TNR: variants seen among roughly 807,000 people sequenced by gnomAD.
TNR encodes tenascin R.
TNR carries 45 observed loss-of-function variants against 150.4 expected under a neutral mutation model. The observed-to-expected ratio is 0.30, with a 90% CI of 0.24 to 0.38. The LOEUF (loss-of-function observed/expected upper bound fraction) is 0.38. TNR is among the 10% of genes least tolerant of loss of function. The pLI is 1.00. For missense variants in TNR, 1,544 were observed against 1,759.1 expected (o/e 0.88, Z 2.19); for synonymous variants, 687 against 678.4 (o/e 1.01, Z -0.20).
chr1:175,726,814 G>A (rs41380950), intron 1 of TNR, among the ~76,000 whole-genome samples: 7,831 of 152,244 alleles, frequency 0.051, 619 homozygotes, highest in African/African-American at 0.17. Flanking sequence ...AGCATGTTAT[G>A]AAATCCTTCA....
chr1:175,436,946 C>G (rs1048967523), intron 2 of TNR, among the ~76,000 whole-genome samples: 5 of 152,038 alleles, frequency 3.3e-5, no homozygotes, highest in African/African-American at 1.2e-4. Context: ...ACTTTAACAC[C>G]CCATTGTCAA....
rs549375540 is a variant in TNR at position 175,535,447 on chromosome 1, T to G, written c.-164-7078A>C. On this transcript the variant is annotated intron_variant, in intron 1 of 22. Coordinates refer to ENST00000367674, the MANE Select transcript of TNR (RefSeq NM_003285.3). ...TTCTTTTTTATTTATTTATTTATTT[T>G]TTGTTGTTGTTGTTGTTGTTGTTGT... Among the ~76,000 whole-genome samples, 506 of 148,246 alleles carry G rather than the reference T, an allele frequency of 3.4e-3. 1 individual carries two copies. Among genetic ancestry groups the G allele is most frequent in the Middle Eastern group, 6.8e-3 (2 of 294 alleles).
At chr1:175,663,177 A>G (rs1316960871) in intron 1 of TNR, among the ~76,000 whole-genome samples, 1 of 152,080 alleles carries the variant, frequency 6.6e-6, no homozygotes, top group Non-Finnish European at 1.5e-5. Flanking sequence ...TCAGCTCCCC[A>G]AGCCGCCACG....
intron 1 of TNR, among the ~76,000 whole-genome samples, chr1:175,722,690 C>T (rs1667340788): frequency 6.6e-6 from 1 of 152,116 alleles, no homozygotes; most frequent in Non-Finnish European, 1.5e-5. Context: ...GTCTTGAACT[C>T]CTGAGCTCAA....
At chr1:175,585,617 G>A (rs190693712) in intron 1 of TNR, among the ~76,000 whole-genome samples, 65 of 152,266 alleles carry the variant, frequency 4.3e-4, no homozygotes, top group African/African-American at 1.5e-3. Flanking sequence ...ACTCTGGCTC[G>A]AAAGACAGGA....
intron 2 of TNR, among the ~76,000 whole-genome samples, chr1:175,478,140 T>C (rs1470829493): frequency 2.0e-5 from 3 of 152,242 alleles, no homozygotes; most frequent in Admixed American, 2.0e-4. Context: ...GTAATTGCTC[T>C]CTTGGATTTT....
chr1:175,670,912 T>A (rs371799860), intron 1 of TNR, among the ~76,000 whole-genome samples: 2 of 152,012 alleles, frequency 1.3e-5, no homozygotes, highest in African/African-American at 4.8e-5. Context: ...AAATCAGGCT[T>A]AAATCTGGGA....
intron 5 of TNR, among the ~76,000 whole-genome samples, chr1:175,394,864 T>C (rs1274725445): frequency 6.6e-6 from 1 of 152,156 alleles, no homozygotes; most frequent in East Asian, 1.9e-4. Context: ...ATTGGCATAA[T>C]AAATGCCACA....
chr1:175,351,628 A>G (rs562355717), intron 18 of TNR, among the ~76,000 whole-genome samples: 1 of 152,230 alleles, frequency 6.6e-6, no homozygotes, highest in African/African-American at 2.4e-5. Context: ...ATACTTTCAC[A>G]TGCATTATTT....
At chr1:175,742,485 G>A (rs1478215005) in intron 1 of TNR, among the ~76,000 whole-genome samples, 4 of 152,248 alleles carry the variant, frequency 2.6e-5, no homozygotes, top group South Asian at 2.1e-4. Flanking sequence ...CTGCCTCCTT[G>A]CAAATGTAAT....
intron 20 of TNR, among the ~76,000 whole-genome samples, chr1:175,334,147 A>G (rs1650098004): frequency 6.6e-6 from 1 of 152,196 alleles, no homozygotes; most frequent in Admixed American, 6.5e-5. Context: ...GAGGAAGATC[A>G]TTATAGTGGT....
At chr1:175,432,791 T>G (rs967656070) in intron 2 of TNR, among the ~76,000 whole-genome samples, 1 of 152,256 alleles carries the variant, frequency 6.6e-6, no homozygotes, top group Middle Eastern at 3.4e-3. Context: ...CAATATTCAC[T>G]CTCCTCTTCT....
At chr1:175,491,279 C>A (rs922517803) in intron 2 of TNR, among the ~76,000 whole-genome samples, 1 of 152,112 alleles carries the variant, frequency 6.6e-6, no homozygotes, top group Non-Finnish European at 1.5e-5. Context: ...GGGTTTAATA[C>A]CTAGGTGATG....
intron 1 of TNR, among the ~76,000 whole-genome samples, chr1:175,642,192 C>T (rs1032380053): frequency 9.9e-5 from 15 of 152,140 alleles, no homozygotes; most frequent in Non-Finnish European, 1.5e-4. Flanking sequence ...CCACCACCCG[C>T]CCCCAGTCCA....
In TNR at chr1:175,724,517, T is replaced by C. The variant is rs547904326; in HGVS notation, c.-165+18709A>G. ...CCACCTACAACACTGGGGATTACAATTCGACATGAGATTTGGTGGGTACAC... is the reference window on the plus strand; with the variant it reads ...CCACCTACAACACTGGGGATTACAACTCGACATGAGATTTGGTGGGTACAC... On this transcript the variant is annotated intron_variant, in intron 1 of 22. Coordinates refer to ENST00000367674, the MANE Select transcript of TNR (RefSeq NM_003285.3). Among the ~76,000 whole-genome samples, 14 of 152,230 alleles carry C rather than the reference T, an allele frequency of 9.2e-5. 1 individual carries two copies. In the South Asian group the frequency reaches 2.9e-3, roughly 32 times the overall value.
chr1:175,727,338 T>A (rs1667507694), intron 1 of TNR, among the ~76,000 whole-genome samples: 3 of 152,142 alleles, frequency 2.0e-5, no homozygotes. Context: ...AAGTACCAAG[T>A]TAACATAGAA....
intron 8 of TNR, among the ~76,000 whole-genome samples, chr1:175,381,536 G>C (rs1652680349): frequency 6.6e-6 from 1 of 152,190 alleles, no homozygotes; most frequent in South Asian, 2.1e-4. Flanking sequence ...AAAGGTGGTT[G>C]TTAGAGCTAG....
intron 20 of TNR, among the ~76,000 whole-genome samples, chr1:175,331,078 C>CCTTCCTTCTTTCT (rs1649823861): frequency 1.7e-5 from 1 of 59,916 alleles, no homozygotes; most frequent in African/African-American, 6.3e-5. Context: ...TCTTTCTTTC[C>CCTTCCTTCTTTCT]TTCTTTCTTT....
intron 1 of TNR, among the ~76,000 whole-genome samples, chr1:175,661,762 C>T (rs566573960): frequency 6.6e-6 from 1 of 151,232 alleles, no homozygotes; most frequent in East Asian, 2.0e-4. Flanking sequence ...TATTTCCTCC[C>T]CCTCTACATC....
Sources: gnomAD v4.1 joint callset for allele counts (sites outside exome capture counted in the v4.1 genomes callset) on GRCh38, gnomAD v4.1.1 for gene constraint, MANE v1.5 for transcripts, NCBI Gene and HGNC (gene_info 2026-07-23, HGNC 2026-07-21) for gene names.